CACNB4: variants seen among roughly 807,000 people sequenced by gnomAD.
CACNB4 encodes calcium voltage-gated channel auxiliary subunit beta 4.
A neutral mutation model predicts 71.2 loss-of-function variants in CACNB4; 32 were observed. That is an observed-to-expected ratio of 0.45 (90% CI 0.34 to 0.60). CACNB4 has a LOEUF of 0.60. CACNB4 is among the 20% of genes least tolerant of loss of function. CACNB4 has a pLI of 0.01. For missense variants in CACNB4, 464 were observed against 647.9 expected, an observed-to-expected ratio of 0.72 and a Z score of 3.08; for synonymous variants, 231 against 236.9, an observed-to-expected ratio of 0.97 and a Z score of 0.23.
rs760620457 is a variant in CACNB4, at chr2:151,872,419, G to A, written c.596C>T (p.Thr199Ile). ...SGTFRATPTS[T>I]AKQKQKVTEH... ...AAGAGTTTAACTACAACCCTCACCT[G>A]TTGATGTGGGAGTTGCTCGGAATGT... Residue 199 changes from threonine to isoleucine, a missense_variant and splice_region_variant, in exon 6 of 14, where the codon ACA (threonine) becomes ATA (isoleucine). By Grantham distance (89) the Thr-to-Ile change is moderately conservative. This residue lies in a region of CACNB4 where 299 missense variants were observed against 471.7 expected (regional missense o/e 0.63). Transcript: ENST00000539935. 5 of 1,559,460 alleles carry A rather than the reference G, an allele frequency of 3.2e-6. No individual in the cohort carries two copies.
chr2:151,967,559 A>G (rs1410204602), intron 2 of CACNB4: 1 of 152,216 alleles, frequency 6.6e-6, no homozygotes, highest in Admixed American at 6.5e-5. Context: ...CAAAGCTGCC[A>G]ATAGAGTAAT....
intron 2 of CACNB4, among the ~76,000 whole-genome samples, chr2:152,008,054 G>A (rs1313327011): frequency 6.6e-6 from 1 of 152,098 alleles, no homozygotes; most frequent in Non-Finnish European, 1.5e-5. Context: ...TTAGGTGCCA[G>A]CCACCATGCC....
At chr2:152,034,959 C>A (rs943300736) in intron 2 of CACNB4, among the ~76,000 whole-genome samples, 1 of 152,134 alleles carries the variant, frequency 6.6e-6, no homozygotes, top group South Asian at 2.1e-4. Flanking sequence ...GGGAAGTCCG[C>A]GGCAAAAGTA....
intron 2 of CACNB4, among the ~76,000 whole-genome samples, chr2:151,930,769 T>C (rs1385323937): frequency 6.6e-6 from 1 of 152,186 alleles, no homozygotes; most frequent in Non-Finnish European, 1.5e-5. Context: ...CATTTATTTT[T>C]ACATATGTAT....
chr2:151,972,708 T>G (rs1348990301), intron 2 of CACNB4: 4 of 142,578 alleles, frequency 2.8e-5, no homozygotes, highest in African/African-American at 5.1e-5. Context: ...TGTTTTTTGT[T>G]TTTTTTTTGT....
intron 2 of CACNB4, among the ~76,000 whole-genome samples, chr2:152,032,695 G>T (rs1247419930): frequency 6.6e-6 from 1 of 152,084 alleles, no homozygotes; most frequent in Non-Finnish European, 1.5e-5. Flanking sequence ...GCAGGGTGTG[G>T]TGGCTCATGC....
At chr2:151,876,800 T>C (rs2099846460) in intron 4 of CACNB4, among the ~76,000 whole-genome samples, 2 of 146,604 alleles carry the variant, frequency 1.4e-5, no homozygotes, top group African/African-American at 5.0e-5. Context: ...CTATATTTTA[T>C]ATAAACTATA....
intron 2 of CACNB4, among the ~76,000 whole-genome samples, chr2:151,977,124 C>A (rs1173741278): frequency 6.6e-6 from 1 of 152,216 alleles, no homozygotes; most frequent in Non-Finnish European, 1.5e-5. Flanking sequence ...CAGGAACCCA[C>A]CTACCTCTCA....
chr2:151,838,176 G>A lies in CACNB4; in HGVS notation c.*943C>T, dbSNP rs2099835301. 1.3e-5 allele frequency: 2 copies of A among 152,552 alleles called. No individual in the cohort carries two copies. The highest frequency in any genetic ancestry group is 1.3e-4 in the Admixed American group (2 of 15,264). 9.4% of individuals were successfully genotyped at this position (152,552 alleles called of 1,614,324 possible). ...TTTAGCATTGCACTCGGGAGGATTG[G>A]TACCACATCCTTACTATCTGACTTC... On this transcript the variant is annotated 3_prime_UTR_variant, in exon 14 of 14. Coordinates refer to ENST00000539935, the MANE Select transcript of CACNB4 (RefSeq NM_000726.5).
At chr2:151,916,667 G>T (rs1055198118) in intron 2 of CACNB4, among the ~76,000 whole-genome samples, 1 of 152,168 alleles carries the variant, frequency 6.6e-6, no homozygotes, top group Non-Finnish European at 1.5e-5. Flanking sequence ...TTGAAACTAC[G>T]TACAATACCT....
intron 2 of CACNB4, among the ~76,000 whole-genome samples, chr2:151,952,001 C>G (rs546532220): frequency 6.6e-6 from 1 of 152,164 alleles, no homozygotes; most frequent in African/African-American, 2.4e-5. Context: ...GTGTCATTTA[C>G]CTTCTCTGTG....
chr2:152,092,816 T>C (rs907621341), intron 2 of CACNB4, among the ~76,000 whole-genome samples: 2 of 151,674 alleles, frequency 1.3e-5, no homozygotes, highest in Admixed American at 6.6e-5. Flanking sequence ...AAACCATATA[T>C]ACATTTACAT....
chr2:151,914,266 A>G (rs565116849), intron 2 of CACNB4, among the ~76,000 whole-genome samples: 4 of 152,160 alleles, frequency 2.6e-5, no homozygotes, highest in African/African-American at 4.8e-5. Flanking sequence ...CGATTCAGCT[A>G]TTGATACTTG....
At chr2:151,844,029 T>A (rs1223427993) in intron 12 of CACNB4, among the ~76,000 whole-genome samples, 1 of 152,212 alleles carries the variant, frequency 6.6e-6, no homozygotes, top group Non-Finnish European at 1.5e-5. Flanking sequence ...ACTTAGCCAG[T>A]TCAACTCATG....
chr2:152,013,412 G>A (rs1683169467), intron 2 of CACNB4, among the ~76,000 whole-genome samples: 1 of 152,092 alleles, frequency 6.6e-6, no homozygotes, highest in Admixed American at 6.6e-5. Context: ...TATGAATACG[G>A]AATGTCATCA....
intron 2 of CACNB4, among the ~76,000 whole-genome samples, chr2:151,888,516 T>C (rs1021238297): frequency 2.6e-4 from 39 of 152,026 alleles, no homozygotes; most frequent in Admixed American, 1.3e-4. Flanking sequence ...CAGTGAGCCA[T>C]GATGATGCCA....
In CACNB4 at chr2:152,026,000, C is replaced by T. The variant is rs567940704; in HGVS notation, c.147+72330G>A. On this transcript the variant is annotated intron_variant, in intron 2 of 13. Transcript: ENST00000539935. ...AGAGGATGTGAGAACAGGACGTGCA[C>T]AGGGCGCCCCCTGCAGGTGCTGATG... 2.6e-5 allele frequency among the ~76,000 whole-genome samples: 4 copies of T among 152,320 alleles called. No homozygotes were observed. In the East Asian group the frequency reaches 7.7e-4, roughly 29 times the overall value.
At chr2:151,996,515 C>T (rs1037307656) in intron 2 of CACNB4, among the ~76,000 whole-genome samples, 8 of 151,558 alleles carry the variant, frequency 5.3e-5, no homozygotes, top group African/African-American at 1.2e-4. Context: ...AACTCAGAAG[C>T]TCTTAGTCTT....
intron 2 of CACNB4, among the ~76,000 whole-genome samples, chr2:152,051,825 G>A (rs543348773): frequency 4.5e-4 from 68 of 152,210 alleles, no homozygotes; most frequent in Admixed American, 1.2e-3. Context: ...CCACTCCCCC[G>A]ACCTTGGCAA....
Sources: gnomAD v4.1 joint callset for allele counts (sites outside exome capture counted in the v4.1 genomes callset) on GRCh38, gnomAD v4.1.1 for gene constraint, gnomAD v4.1.1 regional missense constraint, MANE v1.5 for transcripts, NCBI Gene and HGNC (gene_info 2026-07-23, HGNC 2026-07-21) for gene names.